The following NUP188 variants were observed in gnomAD, a reference collection of about 807,000 sequenced individuals.
The protein encoded by NUP188 is nucleoporin 188, also known as nucleoporin NUP188.
NUP188 carries 97 observed loss-of-function variants against 223.0 expected under a neutral mutation model. The observed-to-expected ratio is 0.43, with a 90% confidence interval of 0.37 to 0.51. The LOEUF is 0.51. Ranked by LOEUF, NUP188 falls within the 20% of genes least tolerant of loss-of-function variation. NUP188 has a pLI of 0.00. For missense variants in NUP188, 1,947 were observed against 2,175.6 expected, an observed-to-expected ratio of 0.89 and a Z score of 2.09; for synonymous variants, 869 against 828.0, an observed-to-expected ratio of 1.05 and a Z score of -0.85.
Position 128,947,737 on chromosome 9 carries a change from C to T in NUP188, c.18C>T (p.Gly6=), listed in dbSNP as rs1487256239. The T allele has an allele frequency of 5.4e-6, 8 of 1,470,246 alleles. No homozygotes were observed. The highest frequency in any genetic ancestry group is 1.3e-5 in the South Asian group (1 of 75,952). 91.1% of individuals were successfully genotyped at this position (1,470,246 alleles called of 1,614,324 possible). MAAAA[G]GPCVRSSREL... is the part of the protein sequence containing the mutation. Reference sequence around the variant, plus strand: ...GCGCGAAGATGGCGGCGGCCGCCGGCGGGCCGTGTGTGAGGTGCGGAGCGG... The same window carrying T: ...GCGCGAAGATGGCGGCGGCCGCCGGTGGGCCGTGTGTGAGGTGCGGAGCGG... The change falls in exon 1 of 44, where the codon GGC becomes GGT. Residue 6 remains glycine, a synonymous_variant. Transcript: ENST00000372577.
intron 43 of NUP188, 36 bp downstream of exon 43, chr9:129,006,404 T>C (rs1460086936): frequency 2.5e-6 from 4 of 1,614,082 alleles, no homozygotes; most frequent in Non-Finnish European, 3.4e-6. Flanking sequence ...GCTGGACCAA[T>C]AGGGCCAGAG....
chr9:128,998,185 G>C lies in NUP188; in HGVS notation c.3386G>C (p.Arg1129Pro), dbSNP rs186381323. Residue 1129 changes from arginine to proline, a missense_variant, in exon 31 of 44, where the codon CGT becomes CCT. This residue lies in a region of NUP188 where 905 missense variants were observed against 990.6 expected (regional missense o/e 0.91). Coordinates refer to ENST00000372577, the MANE Select transcript of NUP188 (RefSeq NM_015354.3). ...ATGCACCTGACTGACTCTGTGGTGC[G>C]TCGCCAGCTCTTTCTTGACGTGCTT... ...DIMHLTDSVV[R>P]RQLFLDVLDG... 1 of 1,613,854 alleles carries C rather than the reference G, an allele frequency of 6.2e-7. No homozygotes were observed. Among genetic ancestry groups the C allele is most frequent in the Admixed American group, 1.7e-5 (1 of 60,004 alleles).
intron 11 of NUP188, among the ~76,000 whole-genome samples, chr9:128,971,713 C>T (rs1410121360): frequency 6.6e-6 from 1 of 152,124 alleles, no homozygotes; most frequent in Non-Finnish European, 1.5e-5. Context: ...CCACCGTGCC[C>T]AGCTAGTGAG....
At chr9:129,005,859 G>T (rs1373841402) in intron 41 of NUP188, 83 bp downstream of exon 41, 1 of 1,522,334 alleles carries the variant, frequency 6.6e-7, no homozygotes. Context: ...TGGGCATGTT[G>T]GGCATGGTAC....
rs1257353040 is a variant in NUP188, at chr9:128,993,600, T to C, written c.2923T>C (p.Trp975Arg). The change falls in exon 27 of 44, where the codon TGG (tryptophan) becomes CGG (arginine). Residue 975 changes from tryptophan to arginine, a missense_variant. By Grantham distance (101) the Trp-to-Arg change is moderately radical. This residue lies in a region of NUP188 where 905 missense variants were observed against 990.6 expected (regional missense o/e 0.91). Transcript: ENST00000372577. ...TGATTCCCAACAGCAAGATCGATAC[T>C]GGTGCCCACCCCTGCTGCATCGTGC... ...LIDSQQQDRYWCPPLLHRAAI... is the reference protein window; with the variant it reads ...LIDSQQQDRYRCPPLLHRAAI... 1 of 1,614,200 alleles carries C rather than the reference T, an allele frequency of 6.2e-7. No homozygotes were observed. Among genetic ancestry groups the C allele is most frequent in the East Asian group, 2.2e-5 (1 of 44,886 alleles).
Position 129,006,132 on chromosome 9 carries a change from T to G in NUP188, c.4943+9T>G, listed in dbSNP as rs1159073293. The G allele has an allele frequency of 6.2e-7, 1 of 1,613,986 alleles. No individual in the cohort carries two copies. The highest frequency in any genetic ancestry group is 8.5e-7 in the Non-Finnish European group (1 of 1,180,006). On this transcript the variant is annotated intron_variant, in intron 42 of 43. Coordinates refer to ENST00000372577, the MANE Select transcript of NUP188 (RefSeq NM_015354.3). ...GGGACCAGGACGTTAAAGTAAGTGC[T>G]CTTTCTGGGATTTGATAAGGGGCTG...
In NUP188 at chr9:129,006,482, A is replaced by G; in HGVS notation, c.5074-20A>G. The G allele has an allele frequency of 6.2e-7, 1 of 1,611,858 alleles. No individual in the cohort carries two copies. The highest frequency in any genetic ancestry group is 8.5e-7 in the Non-Finnish European group (1 of 1,179,098). ...TAGCCAGATGTGCTGAGCCTCACCA[A>G]GCCACTTTTTTTCTTGTAGAGCACG... On this transcript the variant is annotated intron_variant, in intron 43 of 43. Transcript: ENST00000372577.
chr9:128,994,928 G>A lies in NUP188; in HGVS notation c.3155+5G>A. 2 of 1,601,308 alleles carry A rather than the reference G, an allele frequency of 1.2e-6. No individual in the cohort carries two copies. Among genetic ancestry groups the A allele is most frequent in the Non-Finnish European group, 1.7e-6 (2 of 1,168,366 alleles). Reference sequence around the variant, plus strand: ...GGAGATATACTATGTAGTAAAGTGAGTACTTTCCCCTCTTGAGATTTTAAC... The same window carrying A: ...GGAGATATACTATGTAGTAAAGTGAATACTTTCCCCTCTTGAGATTTTAAC... On this transcript the variant is annotated splice_donor_5th_base_variant and intron_variant, in intron 29 of 43. Coordinates refer to ENST00000372577, the MANE Select transcript of NUP188 (RefSeq NM_015354.3).
chr9:128,956,399 T>C lies in NUP188; in HGVS notation c.211T>C (p.Leu71=). The C allele has an allele frequency of 1.3e-6, 2 of 1,581,490 alleles. No individual in the cohort carries two copies. The highest frequency in any genetic ancestry group is 1.7e-6 in the Non-Finnish European group (2 of 1,167,422). Residue 71 remains leucine, a synonymous_variant, in exon 4 of 44, where the codon TTG becomes CTG. Transcript: ENST00000372577. ...VKANKDVASP[L]KELGLRISKF... is the part of the protein sequence containing the mutation. ...AGCTAATAAAGATGTAGCTTCACCA[T>C]TGAAGGAACTGGGTTTAAGAATCAG...
intron 35 of NUP188, 48 bp from the exon 36 acceptor site, chr9:129,001,834 GCA>G: frequency 6.3e-7 from 1 of 1,593,172 alleles, no homozygotes; most frequent in Non-Finnish European, 8.6e-7. Context: ...CCTACCCTAG[GCA>G]GGGCAGGGGC....
intron 8 of NUP188, chr9:128,964,338 G>T: frequency 1.2e-5 from 4 of 323,008 alleles, no homozygotes; most frequent in Middle Eastern, 4.1e-4. Flanking sequence ...CTTCCACCTA[G>T]TGGCTTGTCT....
chr9:128,994,975 T>G, intron 29 of NUP188, 52 bp downstream of exon 29: 1 of 1,352,486 alleles, frequency 7.4e-7, no homozygotes, highest in Non-Finnish European at 1.1e-6. Context: ...GGAGTGGGAG[T>G]TGGTGGCCTA....
chr9:128,952,548 C>T (rs1203186334), intron 2 of NUP188, among the ~76,000 whole-genome samples: 3 of 152,042 alleles, frequency 2.0e-5, no homozygotes, highest in Non-Finnish European at 2.9e-5. Flanking sequence ...CATGGTGAAA[C>T]TCCATCTCTA....
In NUP188 at chr9:128,970,748, C is replaced by T. The variant is rs1292644857; in HGVS notation, c.913-10C>T. ...TTCGGAGATGTAGATGTGTTTTCTT[C>T]TCTCACTAGGATATGGACTGTTTAA... On this transcript the variant is annotated splice_polypyrimidine_tract_variant and intron_variant, in intron 10 of 43. Coordinates refer to ENST00000372577, the MANE Select transcript of NUP188 (RefSeq NM_015354.3). 1.9e-6 allele frequency: 3 copies of T among 1,612,768 alleles called. No homozygotes were observed. Among genetic ancestry groups the T allele is most frequent in the Admixed American group, 1.7e-5 (1 of 59,994 alleles).
chr9:128,968,518 G>A lies in NUP188; in HGVS notation c.598G>A (p.Val200Met), dbSNP rs375622238. Residue 200 changes from valine (V) to methionine (M), a missense_variant, in exon 9 of 44, where the codon GTG becomes ATG. By Grantham distance (21) the Val-to-Met change is conservative. Coordinates refer to ENST00000372577, the MANE Select transcript of NUP188 (RefSeq NM_015354.3). ...ATTGGTTGTACAGACAGAGCGCCAA[G>A]TGTCTCGCTGGTTTGTTCAGTGCCT... Reference protein sequence around the residue: ...THGNLMTERQVSRWFVQCLRE... With the variant: ...THGNLMTERQMSRWFVQCLRE... 1.9e-6 allele frequency: 3 copies of A among 1,614,038 alleles called. No homozygotes were observed. Among genetic ancestry groups the A allele is most frequent in the Non-Finnish European group, 2.5e-6 (3 of 1,179,912 alleles).
At chr9:128,962,830 T>G (rs1260331398) in intron 8 of NUP188, among the ~76,000 whole-genome samples, 2 of 152,222 alleles carry the variant, frequency 1.3e-5, no homozygotes, top group Non-Finnish European at 2.9e-5. Context: ...AAAGTACATA[T>G]TTCTTGATTC....
chr9:128,971,260 T>A (rs1246532089), intron 11 of NUP188, among the ~76,000 whole-genome samples: 1 of 152,170 alleles, frequency 6.6e-6, no homozygotes, highest in Non-Finnish European at 1.5e-5. Context: ...CGGTTTGAAC[T>A]CTTTGCCAGT....
intron 19 of NUP188, 122 bp downstream of exon 19, chr9:128,983,672 G>A: frequency 1.4e-6 from 1 of 727,114 alleles, no homozygotes; most frequent in African/African-American, 1.8e-5. Context: ...TTGAGATGGA[G>A]TCTCACTCTG....
chr9:128,994,257 C>T (rs2131179015), intron 27 of NUP188, 116 bp from the exon 28 acceptor site: 1 of 726,900 alleles, frequency 1.4e-6, no homozygotes, highest in Middle Eastern at 2.5e-4. Context: ...TTATCAGACA[C>T]ATATTAGGAT....
Sources: allele counts gnomAD v4.1 joint callset (sites outside exome capture counted in the v4.1 genomes callset), GRCh38; gene constraint gnomAD v4.1.1; regional missense constraint gnomAD v4.1.1; transcripts MANE v1.5; gene names NCBI Gene and HGNC (gene_info 2026-07-23, HGNC 2026-07-21).